ARHGAP6: variants seen among roughly 807,000 people sequenced by gnomAD.
The protein encoded by ARHGAP6 is Rho GTPase activating protein 6.
ARHGAP6 carries 16 observed loss-of-function variants against 55.7 expected under a neutral mutation model. The ratio of observed to expected loss-of-function variants is 0.29; its 90% CI spans 0.19 to 0.44. ARHGAP6 has a LOEUF of 0.44. Ranked by LOEUF, ARHGAP6 falls within the 20% of genes least tolerant of loss-of-function variation. The pLI is 1.00. For synonymous variants in ARHGAP6, 382 were observed against 360.9 expected (o/e 1.06, Z -0.66); for missense variants, 698 against 808.9 (o/e 0.86, Z 1.66).
At chrX:11,550,244 G>A (rs975421270) in intron 1 of ARHGAP6, among the ~76,000 whole-genome samples, 7 of 111,666 alleles carry the variant, frequency 6.3e-5, no homozygotes, top group African/African-American at 9.8e-5. Context: ...ATGTGGTCCC[G>A]GACCTGACAG....
intron 2 of ARHGAP6, among the ~76,000 whole-genome samples, chrX:11,206,144 C>T (rs2046701537): frequency 8.9e-6 from 1 of 111,915 alleles, no homozygotes; most frequent in African/African-American, 3.2e-5. Context: ...CCCACCTCTT[C>T]CTGAAACTTG....
intron 8 of ARHGAP6, among the ~76,000 whole-genome samples, chrX:11,175,605 G>A (rs1324210725): frequency 8.9e-6 from 1 of 111,806 alleles, no homozygotes; most frequent in African/African-American, 3.3e-5. Flanking sequence ...GTGAATTAAA[G>A]AGCTATCAAG....
chrX:11,605,247 CCTAAGCTT>C (rs1390327582), intron 1 of ARHGAP6, among the ~76,000 whole-genome samples: 2 of 111,522 alleles, frequency 1.8e-5, no homozygotes, highest in Non-Finnish European at 3.8e-5. Flanking sequence ...AGACTCAGTA[CCTAAGCTT>C]CAGGTAAAAA....
intron 1 of ARHGAP6, among the ~76,000 whole-genome samples, chrX:11,323,932 C>T (rs1393773901): frequency 9.3e-6 from 1 of 107,492 alleles, no homozygotes; most frequent in Non-Finnish European, 1.9e-5. Context: ...CCCACAGCAG[C>T]AGGCCATCCA....
At chrX:11,458,744 A>G (rs1000173847) in intron 1 of ARHGAP6, among the ~76,000 whole-genome samples, 1 of 111,948 alleles carries the variant, frequency 8.9e-6, no homozygotes, top group African/African-American at 3.2e-5. Context: ...TTGTTCTAAG[A>G]GCCTGGGGTA....
chrX:11,341,027 G>A (rs1378061043), intron 1 of ARHGAP6, among the ~76,000 whole-genome samples: 1 of 82,658 alleles, frequency 1.2e-5, no homozygotes, highest in Non-Finnish European at 2.2e-5. Context: ...AAGAGGGGTT[G>A]ACTACGAAAA....
At chrX:11,375,473 A>G (rs1455163528) in intron 1 of ARHGAP6, among the ~76,000 whole-genome samples, 2 of 112,178 alleles carry the variant, frequency 1.8e-5, no homozygotes, top group African/African-American at 6.5e-5. Context: ...GATCACTCCA[A>G]ATTCTATTCT....
chrX:11,275,595 A>AG (rs2047750001), intron 1 of ARHGAP6, among the ~76,000 whole-genome samples: 1 of 111,561 alleles, frequency 9.0e-6, no homozygotes, highest in Admixed American at 9.5e-5. Flanking sequence ...CTCCCTACAA[A>AG]GCAAAACTCA....
chrX:11,483,950 T>TG (rs2147840476), intron 1 of ARHGAP6, among the ~76,000 whole-genome samples: 1 of 111,843 alleles, frequency 8.9e-6, no homozygotes, highest in African/African-American at 3.2e-5. Context: ...ATTCTTATAG[T>TG]GACACCGTCT....
At chrX:11,310,931 C>T (rs1290860827) in intron 1 of ARHGAP6, among the ~76,000 whole-genome samples, 1 of 112,122 alleles carries the variant, frequency 8.9e-6, no homozygotes, top group Admixed American at 9.5e-5. Flanking sequence ...CTTACAGTTG[C>T]TCTTGTATAT....
chrX:11,572,912 T>G (rs1195852426), intron 1 of ARHGAP6, among the ~76,000 whole-genome samples: 2 of 112,050 alleles, frequency 1.8e-5, no homozygotes, highest in Non-Finnish European at 3.8e-5. Flanking sequence ...CTCATTGTGG[T>G]TTTGATTTGC....
chrX:11,268,411 A>ATGT (rs2047653643), intron 1 of ARHGAP6, among the ~76,000 whole-genome samples: 4 of 111,990 alleles, frequency 3.6e-5, no homozygotes, highest in African/African-American at 1.3e-4. Context: ...GGTGCTAAGC[A>ATGT]CTTCATGTGT....
chrX:11,573,703 T>A (rs1189268425), intron 1 of ARHGAP6, among the ~76,000 whole-genome samples: 1 of 110,584 alleles, frequency 9.0e-6, no homozygotes, highest in East Asian at 2.8e-4. Flanking sequence ...TTTAAAGTAG[T>A]TTTTTCCAAT....
chrX:11,289,712 C>T (rs941139813), intron 1 of ARHGAP6, among the ~76,000 whole-genome samples: 3 of 111,963 alleles, frequency 2.7e-5, no homozygotes, highest in South Asian at 7.6e-4. Context: ...ATAGGCCAGG[C>T]GCAGTGGCTC....
At position 11,664,672 on chromosome X, in the gene ARHGAP6, C is replaced by T. The variant is rs1381803986; in HGVS notation, c.157G>A (p.Ala53Thr). Residue 53 changes from alanine (A) to threonine (T), a missense_variant, in exon 1 of 13, where the codon GCG (alanine) becomes ACG (threonine). Physicochemically the swap from Ala to Thr is moderately conservative, Grantham distance 58. Coordinates refer to ENST00000337414, the MANE Select transcript of ARHGAP6 (RefSeq NM_013427.3). ...IGGCGSDEAG[A>T]EGSARGATAG... is the part of the protein sequence containing the mutation. ...GTGGCTCCCCGCGCACTGCCCTCCG[C>T]GCCCGCCTCGTCGCTCCCGCAGCCG... The T allele has an allele frequency of 8.6e-7, 1 of 1,164,443 alleles. No homozygotes were observed.
intron 1 of ARHGAP6, chrX:11,367,809 GC>G (rs1366312026): frequency 2.7e-6 from 2 of 751,429 alleles, no homozygotes; most frequent in Non-Finnish European, 3.1e-6. Context: ...GCCCTATCAG[GC>G]AGGCACATCT....
At chrX:11,357,033 C>G (rs934480762) in intron 1 of ARHGAP6, among the ~76,000 whole-genome samples, 1 of 111,399 alleles carries the variant, frequency 9.0e-6, no homozygotes, top group African/African-American at 3.3e-5. Context: ...TGGCTACACA[C>G]ATAATACTAC....
intron 1 of ARHGAP6, among the ~76,000 whole-genome samples, chrX:11,591,003 C>A (rs966960267): frequency 9.3e-6 from 1 of 107,901 alleles, no homozygotes; most frequent in African/African-American, 3.4e-5. Flanking sequence ...GTAATCCTAG[C>A]CAAGATGGTG....
At chrX:11,546,462 G>T (rs1393334444) in intron 1 of ARHGAP6, among the ~76,000 whole-genome samples, 1 of 111,885 alleles carries the variant, frequency 8.9e-6, no homozygotes, top group Non-Finnish European at 1.9e-5. Flanking sequence ...CTGGTTTTCA[G>T]AAGGTTGCAA....
Sources: gnomAD v4.1 joint callset for allele counts (sites outside exome capture counted in the v4.1 genomes callset) on GRCh38, gnomAD v4.1.1 for gene constraint, MANE v1.5 for transcripts, NCBI Gene and HGNC (gene_info 2026-07-23, HGNC 2026-07-21) for gene names.